Variants in DLGAP2 observed in about 807,000 individuals in gnomAD.
DLGAP2 encodes disks large-associated protein 2.
Under a neutral mutation model 100.3 loss-of-function variants are expected in DLGAP2, and 26 were observed. That is an observed-to-expected ratio of 0.26 (90% CI 0.19 to 0.36). The LOEUF is 0.36. DLGAP2 is among the 10% of genes least tolerant of loss of function. The pLI is 1.00. For missense variants in DLGAP2, 1,858 were observed against 1,453.2 expected (o/e 1.28, Z -4.53); for synonymous variants, 886 against 630.1 (o/e 1.41, Z -6.08).
At chr8:1,242,303 A>G (rs1347670528) in intron 2 of DLGAP2, among the ~76,000 whole-genome samples, 1 of 152,124 alleles carries the variant, frequency 6.6e-6, no homozygotes, top group Non-Finnish European at 1.5e-5. Context: ...GATGCAGGTG[A>G]CGGGGCAGGG....
intron 12 of DLGAP2, among the ~76,000 whole-genome samples, chr8:1,690,355 C>T (rs1728434961): frequency 6.6e-6 from 1 of 151,136 alleles, no homozygotes; most frequent in Non-Finnish European, 1.5e-5. Context: ...GACTCCATCT[C>T]AAGAAAATAA....
intron 2 of DLGAP2, among the ~76,000 whole-genome samples, chr8:949,505 C>G (rs1367530699): frequency 6.6e-6 from 1 of 152,096 alleles, no homozygotes; most frequent in South Asian, 2.1e-4. Flanking sequence ...TGCGAACATT[C>G]AAGCAGAAAA....
chr8:1,249,051 G>C (rs946749692), intron 2 of DLGAP2, among the ~76,000 whole-genome samples: 10 of 152,290 alleles, frequency 6.6e-5, no homozygotes, highest in Middle Eastern at 3.4e-3. Flanking sequence ...ACATTGAAGA[G>C]ACTAAGCTGG....
chr8:1,010,098 C>T (rs965996022), intron 2 of DLGAP2, among the ~76,000 whole-genome samples: 8 of 152,214 alleles, frequency 5.3e-5, no homozygotes, highest in African/African-American at 1.9e-4. Context: ...CTTCAACAAA[C>T]TAAAGATTTT....
At chr8:1,027,033 C>T (rs752110102) in intron 2 of DLGAP2, among the ~76,000 whole-genome samples, 1 of 152,224 alleles carries the variant, frequency 6.6e-6, no homozygotes, top group Non-Finnish European at 1.5e-5. Context: ...GTAATTACCA[C>T]ACTGTTTGTG....
intron 3 of DLGAP2, among the ~76,000 whole-genome samples, chr8:1,345,611 G>A (rs1244126176): frequency 6.6e-6 from 1 of 152,200 alleles, no homozygotes; most frequent in African/African-American, 2.4e-5. Flanking sequence ...AGTCCTTCAT[G>A]TGTGTTAACA....
chr8:1,202,650 C>G (rs1238305237), intron 2 of DLGAP2, among the ~76,000 whole-genome samples: 1 of 152,166 alleles, frequency 6.6e-6, no homozygotes, highest in Non-Finnish European at 1.5e-5. Flanking sequence ...GGGGGCCAGG[C>G]AATGCCTCCT....
At chr8:1,228,691 C>T (rs1798473175) in intron 2 of DLGAP2, among the ~76,000 whole-genome samples, 1 of 152,144 alleles carries the variant, frequency 6.6e-6, no homozygotes, top group Admixed American at 6.5e-5. Flanking sequence ...GGGAAAATGA[C>T]ATCAACTCAA....
chr8:1,298,136 G>A (rs377070729), intron 3 of DLGAP2, among the ~76,000 whole-genome samples: 69 of 150,436 alleles, frequency 4.6e-4, no homozygotes, highest in African/African-American at 1.5e-3. Flanking sequence ...CAGACACCAC[G>A]TGAGACAGGG....
At chr8:817,926 G>T (rs1035952768) in intron 1 of DLGAP2, among the ~76,000 whole-genome samples, 1 of 152,176 alleles carries the variant, frequency 6.6e-6, no homozygotes, top group African/African-American at 2.4e-5. Context: ...TAGTGTGATG[G>T]TTGGCCTCCA....
At chr8:1,033,079 C>T (rs994694493) in intron 2 of DLGAP2, 1 of 152,272 alleles carries the variant, frequency 6.6e-6, no homozygotes, top group African/African-American at 2.4e-5. Context: ...AGTGCAGCAG[C>T]TTAAGCTGAT....
intron 2 of DLGAP2, among the ~76,000 whole-genome samples, chr8:996,414 G>C (rs1247964620): frequency 1.3e-5 from 2 of 151,898 alleles, no homozygotes; most frequent in African/African-American, 2.4e-5. Context: ...CAGCGTGTGT[G>C]CTTTGAGCAA....
chr8:967,779 G>A (rs377436254), intron 2 of DLGAP2, among the ~76,000 whole-genome samples: 855 of 17,794 alleles, frequency 0.048, 70 homozygotes, highest in African/African-American at 0.11. Flanking sequence ...ATATATATAT[G>A]TATATATATA....
At chr8:1,412,408 C>T (rs887344825) in intron 3 of DLGAP2, among the ~76,000 whole-genome samples, 5 of 152,222 alleles carry the variant, frequency 3.3e-5, no homozygotes, top group Non-Finnish European at 7.3e-5. Context: ...GAGTCTCACC[C>T]TCTTCCATAT....
intron 3 of DLGAP2, among the ~76,000 whole-genome samples, chr8:1,319,917 C>T (rs1409733856): frequency 1.3e-5 from 2 of 152,130 alleles, no homozygotes; most frequent in African/African-American, 2.4e-5. Flanking sequence ...GATGGGTGAC[C>T]CAGGGCCTTT....
intron 3 of DLGAP2, among the ~76,000 whole-genome samples, chr8:1,344,627 C>T (rs540272733): frequency 6.6e-6 from 1 of 152,310 alleles, no homozygotes; most frequent in East Asian, 1.9e-4. Flanking sequence ...AAACCCGGCA[C>T]TGGTCTATCT....
At chr8:1,122,655 A>G (rs1027415467) in intron 2 of DLGAP2, among the ~76,000 whole-genome samples, 3 of 152,158 alleles carry the variant, frequency 2.0e-5, no homozygotes, top group Non-Finnish European at 2.9e-5. Context: ...TAGAACTGAT[A>G]CTTCTCTTTG....
At chr8:1,342,124 T>C (rs1242077774) in intron 3 of DLGAP2, among the ~76,000 whole-genome samples, 1 of 151,990 alleles carries the variant, frequency 6.6e-6, no homozygotes, top group African/African-American at 2.4e-5. Context: ...CTGATTTTTC[T>C]GTACAGATGG....
At chr8:1,591,826 G>T (rs1351486666) in intron 6 of DLGAP2, among the ~76,000 whole-genome samples, 1 of 152,162 alleles carries the variant, frequency 6.6e-6, no homozygotes, top group African/African-American at 2.4e-5. Flanking sequence ...CACGTTTGTG[G>T]ATTCTGAAGC....
Sources: gnomAD v4.1 joint callset for allele counts (sites outside exome capture counted in the v4.1 genomes callset) on GRCh38, gnomAD v4.1.1 for gene constraint, MANE v1.5 for transcripts, NCBI Gene and HGNC (gene_info 2026-07-23, HGNC 2026-07-21) for gene names.